UNC13B: variants seen among roughly 807,000 people sequenced by gnomAD.
The protein encoded by UNC13B is unc-13 homolog B.
A neutral mutation model predicts 211.0 loss-of-function variants in UNC13B; 144 were observed. The observed-to-expected ratio is 0.68, with a 90% CI of 0.60 to 0.78. The LOEUF is 0.78. UNC13B is among the 30% of genes least tolerant of loss of function. UNC13B has a pLI of 0.00. For synonymous variants in UNC13B, 709 were observed against 725.8 expected (o/e 0.98, Z 0.37); for missense variants, 1,777 against 2,002.0 (o/e 0.89, Z 2.14).
At chr9:35,322,583 C>T (rs746303552) in intron 11 of UNC13B, among the ~76,000 whole-genome samples, 3 of 152,050 alleles carry the variant, frequency 2.0e-5, no homozygotes, top group South Asian at 2.1e-4. Context: ...TTCTTAGGGG[C>T]GATCATTAAG....
chr9:35,317,218 T>C (rs1830503918), intron 11 of UNC13B, among the ~76,000 whole-genome samples: 1 of 152,176 alleles, frequency 6.6e-6, no homozygotes, highest in Non-Finnish European at 1.5e-5. Flanking sequence ...ATTTATTTAT[T>C]GAGACAGGGT....
rs1830136263 is a variant in UNC13B at position 35,310,586 on chromosome 9, A to C, written c.9128A>C (p.His3043Pro). 6.2e-7 allele frequency: 1 copy of C among 1,614,120 alleles called. No homozygotes were observed. The highest frequency in any genetic ancestry group is 8.5e-7 in the Non-Finnish European group (1 of 1,180,010). The change falls in exon 10 of 40, where the codon CAT becomes CCT. Residue 3043 changes from histidine to proline, a missense_variant. Transcript: ENST00000635942. ...DDDHRETDSI[H>P]SCHSSHSLSR... ...GACCATCGGGAGACGGACTCGATTC[A>C]TTCTTGCCACAGCTCTCACAGCCTG...
intron 6 of UNC13B, among the ~76,000 whole-genome samples, chr9:35,246,506 C>T (rs1044066969): frequency 6.6e-6 from 1 of 152,140 alleles, no homozygotes; most frequent in Non-Finnish European, 1.5e-5. Flanking sequence ...AGTCTTTAAT[C>T]CATCTTGAAT....
chr9:35,378,274 C>T (rs1193277456), intron 16 of UNC13B, 21 bp from the exon 17 acceptor site: 1 of 1,614,038 alleles, frequency 6.2e-7, no homozygotes, highest in Admixed American at 1.7e-5. Flanking sequence ...CTGAAGCCTC[C>T]TATACATGCT....
chr9:35,366,868 C>A (rs2132159237), intron 11 of UNC13B, 79 bp from the exon 12 acceptor site: 2 of 1,250,922 alleles, frequency 1.6e-6, no homozygotes, highest in Non-Finnish European at 2.3e-6. Context: ...TGGGCTTGTA[C>A]TCTACTGCTC....
intron 7 of UNC13B, chr9:35,291,136 C>T (rs1305095446): frequency 6.5e-7 from 1 of 1,547,682 alleles, no homozygotes; most frequent in Admixed American, 2.0e-5. Context: ...TTATCATTTT[C>T]TTGATCTTAC....
chr9:35,298,842 A>C (rs1427400857), intron 8 of UNC13B, among the ~76,000 whole-genome samples: 1 of 152,246 alleles, frequency 6.6e-6, no homozygotes, highest in Non-Finnish European at 1.5e-5. Context: ...TAAGGTGGGC[A>C]TGTAGCTTCT....
At chr9:35,221,656 T>A (rs1824571815) in intron 1 of UNC13B, among the ~76,000 whole-genome samples, 1 of 152,226 alleles carries the variant, frequency 6.6e-6, no homozygotes, top group South Asian at 2.1e-4. Context: ...ATTCAAATCA[T>A]AGCACTTGTT....
intron 7 of UNC13B, among the ~76,000 whole-genome samples, chr9:35,262,235 T>C (rs935478546): frequency 1.3e-5 from 2 of 152,030 alleles, no homozygotes; most frequent in African/African-American, 4.8e-5. Context: ...TCTTTCTCTC[T>C]CCTTCCTTCT....
chr9:35,402,282 C>CTTTTTTT, intron 37 of UNC13B, among the ~76,000 whole-genome samples: 1 of 136,884 alleles, frequency 7.3e-6, no homozygotes, highest in Non-Finnish European at 1.6e-5. Context: ...TTCTTTTTTT[C>CTTTTTTT]TTTTTTTTTT....
intron 11 of UNC13B, chr9:35,352,178 G>A (rs1428491427): frequency 1.6e-6 from 2 of 1,232,092 alleles, no homozygotes; most frequent in Non-Finnish European, 2.0e-6. Context: ...ACCCAGTGAG[G>A]AAGCCATTCT....
In UNC13B at chr9:35,403,468, GAC is replaced by G; in HGVS notation, c.12608_12609del (p.Thr4203SerfsTer19). The G allele has an allele frequency of 2.5e-6, 4 of 1,613,982 alleles. No homozygotes were observed. The highest frequency in any genetic ancestry group is 3.4e-6 in the Non-Finnish European group (4 of 1,180,022). ...TGGCTGCCAATGACCTCAAGTGGCA[GAC>G]AGCGGGTATGTTCCGGCCTTTCGTG... ...VVAANDLKWQTAGMFRPFVEV... is the reference protein window; with the variant it reads ...VVAANDLKWQXAGMFRPFVEV... On this transcript the variant is annotated frameshift_variant, in exon 39 of 40. Coordinates refer to ENST00000635942, the MANE Select transcript of UNC13B (RefSeq NM_001371189.2). LOFTEE classifies it high-confidence loss of function.
rs545278985 is a variant in UNC13B, at chr9:35,198,931, T to C, written c.23-29084T>C. 2.0e-4 allele frequency among the ~76,000 whole-genome samples: 30 copies of C among 152,326 alleles called. No individual in the cohort carries two copies. The South Asian group carries it at 6.2e-3, about 32-fold the overall frequency. ...AACGTGCAGGTTTGTTACATATGTA[T>C]ACATGTGCCATGTTGGTGTGCTGCG... is the stretch of plus-strand genomic sequence containing the variant. On this transcript the variant is annotated intron_variant, in intron 1 of 39. Transcript: ENST00000635942.
chr9:35,171,461 A>T (rs1248408754), intron 1 of UNC13B, among the ~76,000 whole-genome samples: 1 of 152,172 alleles, frequency 6.6e-6, no homozygotes, highest in Non-Finnish European at 1.5e-5. Flanking sequence ...GAGTGCAGTG[A>T]TGTGATCATA....
At chr9:35,175,092 T>A (rs1370587631) in intron 1 of UNC13B, among the ~76,000 whole-genome samples, 1 of 152,238 alleles carries the variant, frequency 6.6e-6, no homozygotes, top group Non-Finnish European at 1.5e-5. Context: ...AGCCCCTGTG[T>A]CCAGCCTAGA....
chr9:35,308,289 CTG>C lies in UNC13B; in HGVS notation c.8886_8887del (p.Glu2963AspfsTer18). The C allele has an allele frequency of 2.5e-6, 1 of 399,148 alleles. No homozygotes were observed. Among genetic ancestry groups the C allele is most frequent in the Non-Finnish European group, 4.4e-6 (1 of 226,138 alleles). 24.7% of individuals were successfully genotyped at this position (399,148 alleles called of 1,614,324 possible). A position where few individuals can be genotyped will look rare whatever the true frequency, so the allele number is the denominator to read the frequency against. On this transcript the variant is annotated frameshift_variant, in exon 9 of 40. Coordinates refer to ENST00000635942, the MANE Select transcript of UNC13B (RefSeq NM_001371189.2). LOFTEE classifies it high-confidence loss of function. ...CATGAGGAAGAACCCTCCACTGTCT[CTG>C]AGATATTTCACCAGCTAGAAAAACA...
intron 1 of UNC13B, among the ~76,000 whole-genome samples, chr9:35,218,360 A>G (rs982418996): frequency 3.3e-5 from 5 of 152,042 alleles, no homozygotes; most frequent in Admixed American, 2.0e-4. Context: ...GTGTGAGTCT[A>G]GATCTGTTAG....
chr9:35,286,955 A>G (rs1331259279), intron 7 of UNC13B, among the ~76,000 whole-genome samples: 1 of 151,952 alleles, frequency 6.6e-6, no homozygotes, highest in African/African-American at 2.4e-5. Flanking sequence ...AACATAAGTA[A>G]AATGTTTCGT....
At chr9:35,340,409 C>G (rs1445015033) in intron 11 of UNC13B, among the ~76,000 whole-genome samples, 1 of 152,194 alleles carries the variant, frequency 6.6e-6, no homozygotes, top group Non-Finnish European at 1.5e-5. Flanking sequence ...GAAATCAACC[C>G]TTTCTTCTCA....
Sources: allele counts gnomAD v4.1 joint callset (sites outside exome capture counted in the v4.1 genomes callset), GRCh38; gene constraint gnomAD v4.1.1; transcripts MANE v1.5; gene names NCBI Gene and HGNC (gene_info 2026-07-23, HGNC 2026-07-21).